The following MBOAT2 variants were observed in gnomAD, a reference collection of about 807,000 sequenced individuals.
MBOAT2 encodes membrane bound glycerophospholipid O-acyltransferase 2, also known as membrane-bound glycerophospholipid O-acyltransferase 2.
A neutral mutation model predicts 63.4 loss-of-function variants in MBOAT2; 28 were observed. The observed-to-expected ratio is 0.44, with a 90% CI of 0.33 to 0.61. The LOEUF (loss-of-function observed/expected upper bound fraction) is 0.61. Ranked by LOEUF, MBOAT2 falls within the 20% of genes least tolerant of loss-of-function variation. The pLI is 0.03. For synonymous variants in MBOAT2, 211 were observed against 215.6 expected (o/e 0.98, Z 0.19); for missense variants, 470 against 605.8 (o/e 0.78, Z 2.35).
intron 3 of MBOAT2, among the ~76,000 whole-genome samples, chr2:8,933,572 C>T (rs1249705376): frequency 6.6e-6 from 1 of 152,142 alleles, no homozygotes; most frequent in Non-Finnish European, 1.5e-5. Context: ...GAACTCCTGC[C>T]CTCAAGCAGT....
At chr2:8,975,757 A>G (rs1292889298) in intron 1 of MBOAT2, among the ~76,000 whole-genome samples, 1 of 147,888 alleles carries the variant, frequency 6.8e-6, no homozygotes, top group Non-Finnish European at 1.5e-5. Context: ...CACTCACAAA[A>G]CTTACAGGCC....
In MBOAT2 at chr2:8,864,160, A is replaced by G. The variant is rs1661691806; in HGVS notation, c.1052+10T>C. ...AAGCACATCTAAAGATCGTTTTTGA[A>G]GGAACGCACCTTTTGAGCCAAAGAG... On this transcript the variant is annotated intron_variant, in intron 10 of 12. Transcript: ENST00000305997. 2.5e-6 allele frequency: 4 copies of G among 1,569,716 alleles called. No individual in the cohort carries two copies. The highest frequency in any genetic ancestry group is 1.2e-5 in the South Asian group (1 of 83,234).
At chr2:8,872,251 TTTTG>T (rs1381571184) in intron 8 of MBOAT2, among the ~76,000 whole-genome samples, 1 of 152,174 alleles carries the variant, frequency 6.6e-6, no homozygotes, top group Non-Finnish European at 1.5e-5. Context: ...CATTCCATCT[TTTTG>T]TTTTTGTTTT....
chr2:8,957,875 CTTCCTGTAACA>C, intron 2 of MBOAT2, among the ~76,000 whole-genome samples: 1 of 152,116 alleles, frequency 6.6e-6, no homozygotes, highest in Non-Finnish European at 1.5e-5. Flanking sequence ...TTGTTTGTTA[CTTCCTGTAACA>C]AACAGGAAGT....
At position 8,862,800 on chromosome 2, in the gene MBOAT2, T is replaced by A. The variant is rs1017078188; in HGVS notation, c.1053-78A>T. 1.3e-6 allele frequency: 2 copies of A among 1,502,230 alleles called. No individual in the cohort carries two copies. Among genetic ancestry groups the A allele is most frequent in the Non-Finnish European group, 1.8e-6 (2 of 1,121,000 alleles). The allele number at this position is 1,502,230 out of a possible 1,614,324, so 93.1% of individuals were successfully genotyped here. On this transcript the variant is annotated intron_variant, in intron 10 of 12. Transcript: ENST00000305997. The surrounding 1 kb of genome is among the most constrained non-coding windows in gnomAD (Gnocchi z 4.3). ...ACAAAGCCTGCAATGATCATTCTTT[T>A]ATTACCTGACAGGATTTAGGGTAAC...
At chr2:8,879,895 C>A (rs1054387242) in intron 6 of MBOAT2, among the ~76,000 whole-genome samples, 1 of 152,008 alleles carries the variant, frequency 6.6e-6, no homozygotes, top group South Asian at 2.1e-4. Context: ...GAAAACAAAG[C>A]GGAGCAAAGG....
chr2:8,966,082 G>GC (rs1480871991), intron 1 of MBOAT2, among the ~76,000 whole-genome samples: 2 of 152,176 alleles, frequency 1.3e-5, no homozygotes, highest in Admixed American at 6.5e-5. Context: ...AAGGTGAACA[G>GC]CCAGTCTTTG....
intron 2 of MBOAT2, among the ~76,000 whole-genome samples, chr2:8,947,319 C>T (rs1375068372): frequency 6.6e-6 from 1 of 152,168 alleles, no homozygotes; most frequent in Admixed American, 6.5e-5. Context: ...AAGAAGTCAT[C>T]TCCAGAAATA....
rs951972417 is a variant in MBOAT2 at position 8,930,913 on chromosome 2, T to C, written c.299+12274A>G. On this transcript the variant is annotated intron_variant, in intron 3 of 12. Transcript: ENST00000305997. ...TACCTGCTCGGGACCCCTTCCATGCTGTGGAAGCTTTGTACTGTCACTCTG... is the reference window on the plus strand; with the variant it reads ...TACCTGCTCGGGACCCCTTCCATGCCGTGGAAGCTTTGTACTGTCACTCTG... Among the ~76,000 whole-genome samples, 4 of 152,318 alleles carry C rather than the reference T, an allele frequency of 2.6e-5. No homozygotes were observed. In the East Asian group the frequency reaches 7.7e-4, roughly 29 times the overall value.
Position 8,854,252 on chromosome 2 carries a change from G to A in MBOAT2, c.*4427C>T, listed in dbSNP as rs1660942686. On this transcript the variant is annotated 3_prime_UTR_variant, in exon 13 of 13. Coordinates refer to ENST00000305997, the MANE Select transcript of MBOAT2 (RefSeq NM_138799.4). ...TGCAAATCTTTTGCTTCAGCATTGG[G>A]AGCACGCGTTCATCAAGAAACCCAC... The A allele has an allele frequency of 6.6e-6, 1 of 152,172 alleles. No homozygotes were observed. Among genetic ancestry groups the A allele is most frequent in the Non-Finnish European group, 1.5e-5 (1 of 68,036 alleles). 9.4% of individuals were successfully genotyped at this position (152,172 alleles called of 1,614,324 possible).
At chr2:8,861,517 G>A (rs932344834) in intron 11 of MBOAT2, among the ~76,000 whole-genome samples, 3 of 152,232 alleles carry the variant, frequency 2.0e-5, no homozygotes, top group African/African-American at 7.2e-5. Context: ...ATGGAATCAA[G>A]AGCAGGTGAC....
chr2:8,991,245 A>T (rs1671902341), intron 1 of MBOAT2, among the ~76,000 whole-genome samples: 2 of 152,200 alleles, frequency 1.3e-5, no homozygotes, highest in Non-Finnish European at 2.9e-5. Context: ...GACCTTTCCA[A>T]GTATTACTTT....
chr2:8,895,152 G>A lies in MBOAT2; in HGVS notation c.396-7079C>T, dbSNP rs189830694. On this transcript the variant is annotated intron_variant, in intron 4 of 12. Transcript: ENST00000305997. ...CCACAGCGTGGAAACGGACCCTAGC[G>A]GGAGCCACTGCTGGCTCACCTGGCC... Among the ~76,000 whole-genome samples, 30 of 152,318 alleles carry A rather than the reference G, an allele frequency of 2.0e-4. 1 individual carries two copies. The East Asian group carries it at 3.1e-3, about 16-fold the overall frequency.
chr2:8,999,967 T>G (rs575212828), intron 1 of MBOAT2, among the ~76,000 whole-genome samples: 1 of 152,364 alleles, frequency 6.6e-6, no homozygotes, highest in East Asian at 1.9e-4. Context: ...TTGCTTCTTT[T>G]CCTTCCCTGG....
chr2:8,887,235 CAG>C (rs1224072940), intron 5 of MBOAT2, among the ~76,000 whole-genome samples: 2 of 152,122 alleles, frequency 1.3e-5, no homozygotes, highest in African/African-American at 2.4e-5. Flanking sequence ...AAACAAGTAG[CAG>C]AGAGTTTTTA....
intron 12 of MBOAT2, among the ~76,000 whole-genome samples, chr2:8,859,705 TAA>T (rs1231165917): frequency 1.3e-5 from 2 of 152,328 alleles, no homozygotes; most frequent in African/African-American, 2.4e-5. Flanking sequence ...TATAAAAGAA[TAA>T]AGTTTTTGAT....
intron 3 of MBOAT2, among the ~76,000 whole-genome samples, chr2:8,926,341 C>G (rs942468959): frequency 2.0e-5 from 3 of 152,112 alleles, no homozygotes; most frequent in Non-Finnish European, 4.4e-5. Flanking sequence ...TAATACAGTG[C>G]AATATGTGAA....
chr2:8,908,089 C>A (rs1665459354), intron 4 of MBOAT2: 1 of 152,136 alleles, frequency 6.6e-6, no homozygotes, highest in Non-Finnish European at 1.5e-5. Flanking sequence ...CCATCTGGTA[C>A]CAAAGTGTTA....
At chr2:8,963,095 T>C (rs1022923096) in intron 1 of MBOAT2, among the ~76,000 whole-genome samples, 1 of 152,002 alleles carries the variant, frequency 6.6e-6, no homozygotes, top group African/African-American at 2.4e-5. Context: ...AAAAATTAGC[T>C]GGGCATGGTG....
Sources: gnomAD v4.1 joint callset for allele counts (sites outside exome capture counted in the v4.1 genomes callset) on GRCh38, gnomAD v4.1.1 for gene constraint, Gnocchi (gnomAD v3.1) non-coding constraint, MANE v1.5 for transcripts, NCBI Gene and HGNC (gene_info 2026-07-23, HGNC 2026-07-21) for gene names.